Variants in NAA11 observed in about 807,000 individuals in gnomAD.
NAA11 encodes the protein N-alpha-acetyltransferase 11.
NAA11 carries 15 observed loss-of-function variants against 16.1 expected under a neutral mutation model. The ratio of observed to expected loss-of-function variants is 0.93; its 90% CI spans 0.62 to 1.44. NAA11 has a LOEUF of 1.44. NAA11 is among the 40% of genes most tolerant of loss of function. NAA11 has a pLI of 0.00. For synonymous variants in NAA11, 122 were observed against 112.4 expected (o/e 1.09, Z -0.54); for missense variants, 298 against 291.3 (o/e 1.02, Z -0.17).
Position 79,270,693 on chromosome 4 carries a change from C to T in NAA11, c.*122+23312G>A, listed in dbSNP as rs1178823004. Among the ~76,000 whole-genome samples the T allele has an allele frequency of 4.8e-5, 4 of 83,248 alleles. No individual in the cohort carries two copies. In the South Asian group the frequency reaches 1.6e-3, roughly 34 times the overall value. 54.6% of individuals were successfully genotyped at this position (83,248 alleles called of 152,430 possible). A position where few individuals can be genotyped will look rare whatever the true frequency, so the allele number is the denominator to read the frequency against. ...AGCTTATCCACCATGATCAAGTGGG[C>T]TTCATCCCTGGGATGCAAGGCTGGT... is the stretch of plus-strand genomic sequence containing the variant. On this transcript the variant is annotated intron_variant and NMD_transcript_variant, in intron 2 of 2. Coordinates refer to the NAA11 transcript ENST00000511542.
intron 2 of NAA11, among the ~76,000 whole-genome samples, chr4:79,264,856 T>C (rs1035515186): frequency 2.0e-5 from 3 of 152,178 alleles, no homozygotes; most frequent in African/African-American, 7.2e-5. Flanking sequence ...CTTTGATGAC[T>C]ATCTCTATTC....
the NAA11 span, among the ~76,000 whole-genome samples, chr4:79,204,054 G>T: frequency 6.6e-6 from 1 of 151,800 alleles, no homozygotes; most frequent in East Asian, 1.9e-4. Flanking sequence ...CACTGCTACT[G>T]AGTATGTAAA....
At chr4:79,245,823 G>T (rs1020797051) in intron 2 of NAA11, among the ~76,000 whole-genome samples, 1 of 149,870 alleles carries the variant, frequency 6.7e-6, no homozygotes, top group Non-Finnish European at 1.5e-5. Flanking sequence ...CTGCCCGGCC[G>T]CCACGTCTGG....
At chr4:79,231,396 C>A (rs1043927667) in intron 2 of NAA11, among the ~76,000 whole-genome samples, 1 of 151,886 alleles carries the variant, frequency 6.6e-6, no homozygotes, top group Non-Finnish European at 1.5e-5. Flanking sequence ...GTTGTCCTCC[C>A]TAGTTACACT....
chr4:79,309,860 C>T (rs1723713364), intron 1 of NAA11, among the ~76,000 whole-genome samples: 2 of 151,624 alleles, frequency 1.3e-5, no homozygotes, highest in Admixed American at 6.6e-5. Flanking sequence ...GGACTACAGG[C>T]GCCCGCCACC....
chr4:79,251,213 A>G (rs567404063), intron 2 of NAA11, among the ~76,000 whole-genome samples: 7 of 152,360 alleles, frequency 4.6e-5, no homozygotes, highest in African/African-American at 1.7e-4. Context: ...TAGGAAACAC[A>G]TGAAATCAAC....
downstream of NAA11, among the ~76,000 whole-genome samples, chr4:79,223,568 C>T (rs1388908724): frequency 1.3e-5 from 2 of 150,166 alleles, no homozygotes; most frequent in Non-Finnish European, 3.0e-5. Flanking sequence ...GTGGGTTCAG[C>T]GCACCAGCAT....
chr4:79,256,363 G>T (rs556370030), intron 2 of NAA11, among the ~76,000 whole-genome samples: 3 of 152,080 alleles, frequency 2.0e-5, no homozygotes, highest in Admixed American at 2.0e-4. Flanking sequence ...CAATGTTGCA[G>T]TTATAACTTT....
At chr4:79,208,941 A>ACCCC in the NAA11 span, among the ~76,000 whole-genome samples, 10 of 148,922 alleles carry the variant, frequency 6.7e-5, no homozygotes, top group African/African-American at 2.4e-4. Flanking sequence ...AAAAAAAAAA[A>ACCCC]AAAAAACCCC....
chr4:79,324,327 T>C (rs1226631412), intron 1 of NAA11, among the ~76,000 whole-genome samples: 1 of 152,218 alleles, frequency 6.6e-6, no homozygotes, highest in South Asian at 2.1e-4. Context: ...TTCCTTAATA[T>C]AGTCCCCGTT....
chr4:79,303,772 T>G (rs927143402), intron 1 of NAA11, among the ~76,000 whole-genome samples: 2 of 152,204 alleles, frequency 1.3e-5, no homozygotes, highest in African/African-American at 2.4e-5. Context: ...GAGAATAAGT[T>G]TGCAGATTGG....
At chr4:79,209,617 A>G in the NAA11 span, among the ~76,000 whole-genome samples, 1 of 152,178 alleles carries the variant, frequency 6.6e-6, no homozygotes, top group Non-Finnish European at 1.5e-5. Flanking sequence ...AAGTTAATAT[A>G]TAAGTAGGAA....
intron 2 of NAA11, among the ~76,000 whole-genome samples, chr4:79,237,543 G>A (rs4295297): frequency 0.023 from 3,549 of 152,146 alleles, 98 homozygotes; most frequent in African/African-American, 0.065. Flanking sequence ...AGAATTCAAC[G>A]ATTCAAACAC....
the NAA11 span, among the ~76,000 whole-genome samples, chr4:79,219,363 A>T: frequency 6.6e-6 from 1 of 152,272 alleles, no homozygotes; most frequent in East Asian, 1.9e-4. Flanking sequence ...ATACCAGATG[A>T]CAGCTCAAAT....
chr4:79,281,806 A>G (rs6534293), intron 2 of NAA11, among the ~76,000 whole-genome samples: 95,330 of 151,874 alleles, frequency 0.63, 31,506 homozygotes, highest in African/African-American at 0.83. Flanking sequence ...TTTCTGATTA[A>G]GCCAGTAAAG....
chr4:79,180,032 A>T, the NAA11 span, among the ~76,000 whole-genome samples: 2 of 152,108 alleles, frequency 1.3e-5, no homozygotes, highest in African/African-American at 4.8e-5. Context: ...CATGGGGGAA[A>T]CTGCCCCCAT....
At chr4:79,175,796 A>G in the NAA11 span, among the ~76,000 whole-genome samples, 11 of 150,012 alleles carry the variant, frequency 7.3e-5, no homozygotes, top group Non-Finnish European at 1.5e-4. Context: ...CTTCTCTCTT[A>G]TAAGTTTTGT....
At chr4:79,163,571 T>C in the NAA11 span, among the ~76,000 whole-genome samples, 17 of 152,192 alleles carry the variant, frequency 1.1e-4, no homozygotes, top group Non-Finnish European at 7.4e-5. Context: ...TTGGGAATTT[T>C]AGTTAATAGA....
chr4:79,303,072 CCTTTTATATA>C lies in NAA11; in HGVS notation c.*13-8968_*13-8959del, dbSNP rs1207373891. Among the ~76,000 whole-genome samples, 265 of 89,078 alleles carry C rather than the reference CCTTTTATATA, an allele frequency of 3.0e-3. 3 individuals carry two copies. Among genetic ancestry groups the C allele is most frequent in the African/African-American group, 0.011 (253 of 22,012 alleles). 58.4% of individuals were successfully genotyped at this position (89,078 alleles called of 152,430 possible). ...CCTTTTCATTCCTGTTCTCTTGAGG[CCTTTTATATA>C]TATATATATATATATATATATATAT... On this transcript the variant is annotated intron_variant and NMD_transcript_variant, in intron 1 of 2. Coordinates refer to the NAA11 transcript ENST00000511542.
Sources: allele counts gnomAD v4.1 joint callset (sites outside exome capture counted in the v4.1 genomes callset), GRCh38; gene constraint gnomAD v4.1.1; transcripts MANE v1.5; gene names NCBI Gene and HGNC (gene_info 2026-07-23, HGNC 2026-07-21).